Variants in AKR1C3 observed in about 807,000 individuals in gnomAD.
AKR1C3 encodes the protein aldo-keto reductase family 1 member C3, also known as 3-alpha hydroxysteroid dehydrogenase, type II.
A neutral mutation model predicts 43.6 loss-of-function variants in AKR1C3; 48 were observed. That is an observed-to-expected ratio of 1.10 (90% CI 0.87 to 1.40). The LOEUF is 1.40. Among genes scored for constraint, AKR1C3 ranks in the 40% most tolerant of loss-of-function variants. The pLI, the probability that AKR1C3 is intolerant of heterozygous loss-of-function variation, is 0.00. For synonymous variants in AKR1C3, 162 were observed against 139.6 expected (o/e 1.16, Z -1.13); for missense variants, 482 against 391.2 (o/e 1.23, Z -1.96).
At chr10:5,080,732 C>G (rs1838819134) in intron 1 of AKR1C3, 1 of 152,312 alleles carries the variant, frequency 6.6e-6, no homozygotes, top group East Asian at 1.9e-4. Flanking sequence ...ATCTGTGTCT[C>G]ACTTTCTTCG....
intron 1 of AKR1C3, among the ~76,000 whole-genome samples, chr10:5,085,637 T>A (rs1201555055): frequency 1.3e-5 from 2 of 151,900 alleles, no homozygotes; most frequent in Non-Finnish European, 2.9e-5. Flanking sequence ...TTGGAATAGT[T>A]TCAGAAGGAA....
rs587690087 is a variant in AKR1C3, at chr10:5,104,613, GAGTACATATTTTAGTCTTT to G, written c.847-981_847-963del. ...TTTTGAAACATCAACATCCATGAAAGAGTACATATTTTAGTCTTTGGTTGATATTGTATTGAAACTGCAG... is the reference window on the plus strand; with the variant it reads ...TTTTGAAACATCAACATCCATGAAAGGGTTGATATTGTATTGAAACTGCAG... On this transcript the variant is annotated intron_variant, in intron 7 of 8. Transcript: ENST00000380554. Among the ~76,000 whole-genome samples, 86 of 152,172 alleles carry G rather than the reference GAGTACATATTTTAGTCTTT, an allele frequency of 5.7e-4. 1 individual carries two copies. In the South Asian group the frequency reaches 0.011, roughly 20 times the overall value.
chr10:5,056,816 G>A (rs535474514), intron 1 of AKR1C3, among the ~76,000 whole-genome samples: 1 of 152,202 alleles, frequency 6.6e-6, no homozygotes, highest in Admixed American at 6.5e-5. Context: ...AACAAGAAAG[G>A]CATGTGAAAA....
At chr10:5,050,146 A>G (rs1838123808) in intron 1 of AKR1C3, among the ~76,000 whole-genome samples, 1 of 152,244 alleles carries the variant, frequency 6.6e-6, no homozygotes, top group South Asian at 2.1e-4. Context: ...CCTTCTCCAT[A>G]TGGAATTGCT....
At position 5,083,526 on chromosome 10, in the gene AKR1C3, C is replaced by T. The variant is rs549930939; in HGVS notation, c.85-12884C>T. 8.6e-3 allele frequency among the ~76,000 whole-genome samples: 1,308 copies of T among 152,106 alleles called. 13 individuals are homozygous for T. The highest frequency in any genetic ancestry group is 0.03 in the African/African-American group (1,235 of 41,454). Reference sequence around the variant, plus strand: ...AAGTCTTTGCTATTGTGAATAGTGCCGCTATAAACATACGTGTGCATGTGT... The same window carrying T: ...AAGTCTTTGCTATTGTGAATAGTGCTGCTATAAACATACGTGTGCATGTGT... On this transcript the variant is annotated intron_variant, in intron 1 of 8. Transcript: ENST00000439082.
At chr10:5,091,267 A>G (rs1839082677), upstream of AKR1C3, among the ~76,000 whole-genome samples, 1 of 152,154 alleles carries the variant, frequency 6.6e-6, no homozygotes, top group East Asian at 1.9e-4. Flanking sequence ...CGTCCAAATT[A>G]GTTTTCTGTT....
chr10:5,098,960 A>T, intron 4 of AKR1C3, 81 bp downstream of exon 4: 1 of 1,134,056 alleles, frequency 8.8e-7, no homozygotes. Context: ...GAAAGAATGG[A>T]ATATGCACCA....
In AKR1C3 at chr10:5,097,111, T is replaced by C. The variant is rs144439792; in HGVS notation, c.253-323T>C. On this transcript the variant is annotated intron_variant, in intron 2 of 8. Transcript: ENST00000380554. ...ATTCTTAAGCATTGGGTTGAATGGA[T>C]AGAAGAATTAGACTGTTAAAATGAG... Among the ~76,000 whole-genome samples the C allele has an allele frequency of 9.8e-5, 15 of 152,288 alleles. No homozygotes were observed. In the East Asian group the frequency reaches 2.1e-3, roughly 22 times the overall value.
At chr10:5,051,167 C>G (rs1243530627) in intron 1 of AKR1C3, among the ~76,000 whole-genome samples, 2 of 152,206 alleles carry the variant, frequency 1.3e-5, no homozygotes, top group East Asian at 3.8e-4. Context: ...GTGGTCTCGG[C>G]TAACTGCAAC....
chr10:5,096,283 A>T, intron 1 of AKR1C3, 127 bp from the exon 2 acceptor site: 3 of 1,172,046 alleles, frequency 2.6e-6, no homozygotes, highest in Non-Finnish European at 3.5e-6. Context: ...AGGCAAACTG[A>T]GATGGACTTT....
At chr10:5,090,748 T>C (rs1198442645), upstream of AKR1C3, among the ~76,000 whole-genome samples, 2 of 152,132 alleles carry the variant, frequency 1.3e-5, no homozygotes, top group East Asian at 3.9e-4. Flanking sequence ...AATTTTCCAA[T>C]TTCAAATTTC....
At chr10:5,056,453 C>T (rs1167290947) in intron 1 of AKR1C3, among the ~76,000 whole-genome samples, 6 of 152,202 alleles carry the variant, frequency 3.9e-5, no homozygotes, top group South Asian at 4.1e-4. Context: ...TCTCCACTGA[C>T]CATTCGGTTT....
intron 1 of AKR1C3, among the ~76,000 whole-genome samples, chr10:5,064,126 A>G (rs540711325): frequency 2.6e-5 from 4 of 152,308 alleles, no homozygotes; most frequent in East Asian, 3.9e-4. Context: ...TCAAGCTCCA[A>G]TTTTAACTAT....
chr10:5,101,020 C>T (rs574295326), intron 5 of AKR1C3, among the ~76,000 whole-genome samples: 1 of 152,282 alleles, frequency 6.6e-6, no homozygotes, highest in East Asian at 1.9e-4. Flanking sequence ...AGACATTCTT[C>T]CAGCTACAGT....
chr10:5,071,351 G>C (rs557595837), intron 1 of AKR1C3, among the ~76,000 whole-genome samples: 1 of 152,232 alleles, frequency 6.6e-6, no homozygotes, highest in East Asian at 1.9e-4. Context: ...GCTCTCATGG[G>C]CTCTGTCTAT....
exon 1 of AKR1C3, chr10:5,048,867 T>C (rs1838090347): frequency 1.2e-6 from 2 of 1,613,950 alleles, no homozygotes; most frequent in Non-Finnish European, 8.5e-7. Context: ...ATGCCTGTCC[T>C]GGGATTTGGC....
intron 5 of AKR1C3, among the ~76,000 whole-genome samples, chr10:5,101,616 AATTTT>A (rs1323818762): frequency 1.4e-4 from 21 of 152,142 alleles, no homozygotes; most frequent in African/African-American, 5.1e-4. Context: ...ATTTTTAATT[AATTTT>A]ATTAATTTTT....
intron 1 of AKR1C3, among the ~76,000 whole-genome samples, chr10:5,049,247 A>C (rs1838102046): frequency 6.6e-6 from 1 of 152,176 alleles, no homozygotes; most frequent in Non-Finnish European, 1.5e-5. Flanking sequence ...GTTTCCTTCT[A>C]CACTGAAGAA....
chr10:5,078,498 T>C (rs2131813634), intron 1 of AKR1C3, among the ~76,000 whole-genome samples: 1 of 152,324 alleles, frequency 6.6e-6, no homozygotes, highest in Admixed American at 6.5e-5. Context: ...GTGGCAAAGT[T>C]TTCTCAGGGT....
Sources: gnomAD v4.1 joint callset for allele counts (sites outside exome capture counted in the v4.1 genomes callset) on GRCh38, gnomAD v4.1.1 for gene constraint, MANE v1.5 for transcripts, NCBI Gene and HGNC (gene_info 2026-07-23, HGNC 2026-07-21) for gene names.